ITGA11: variants seen among roughly 807,000 people sequenced by gnomAD.
ITGA11 encodes the protein integrin alpha-11.
In ITGA11, 97 loss-of-function variants were observed where a neutral mutation model predicts 141.9. The observed-to-expected ratio is 0.68, with a 90% CI of 0.58 to 0.81. ITGA11 has a LOEUF of 0.81. Ranked by LOEUF, ITGA11 falls within the 30% of genes least tolerant of loss-of-function variation. The pLI is 0.00. For synonymous variants in ITGA11, 658 were observed against 624.6 expected (o/e 1.05, Z -0.80); for missense variants, 1,387 against 1,559.2 (o/e 0.89, Z 1.86).
At chr15:68,380,113 C>T (rs565704433) in intron 2 of ITGA11, among the ~76,000 whole-genome samples, 1 of 152,282 alleles carries the variant, frequency 6.6e-6, no homozygotes, top group South Asian at 2.1e-4. Flanking sequence ...CAGAGAATGT[C>T]AGGATTGGCC....
At chr15:68,331,195 A>G (rs1894146846) in intron 14 of ITGA11, 84 bp from the exon 15 acceptor site, 4 of 1,287,992 alleles carry the variant, frequency 3.1e-6, no homozygotes, top group Non-Finnish European at 4.3e-6. Flanking sequence ...AACAATCAGG[A>G]ACAATAGGGA....
intron 7 of ITGA11, among the ~76,000 whole-genome samples, chr15:68,352,505 T>C (rs1894946628): frequency 6.6e-6 from 1 of 152,040 alleles, no homozygotes; most frequent in South Asian, 2.1e-4. Flanking sequence ...CATCAGTATT[T>C]TATAAGGTTC....
At chr15:68,408,066 A>G (rs1490902468) in intron 1 of ITGA11, among the ~76,000 whole-genome samples, 2 of 152,152 alleles carry the variant, frequency 1.3e-5, no homozygotes, top group Non-Finnish European at 2.9e-5. Flanking sequence ...ATGGCCCCTC[A>G]GCCTCTGCCT....
At chr15:68,306,250 A>G (rs1445819994) in intron 28 of ITGA11, among the ~76,000 whole-genome samples, 1 of 144,570 alleles carries the variant, frequency 6.9e-6, no homozygotes, top group East Asian at 2.1e-4. Context: ...TGGGGGGTTG[A>G]GTGGGGGTGG....
At chr15:68,345,913 G>C (rs1894730170) in intron 10 of ITGA11, among the ~76,000 whole-genome samples, 1 of 152,224 alleles carries the variant, frequency 6.6e-6, no homozygotes, top group Non-Finnish European at 1.5e-5. Context: ...CCAGTGCCCG[G>C]TCACAGAGCC....
rs1224060398 is a variant in ITGA11 at position 68,335,072 on chromosome 15, G to T, written c.1425+625C>A. 6.6e-6 allele frequency among the ~76,000 whole-genome samples: 1 copy of T among 152,184 alleles called. No individual in the cohort carries two copies. The highest frequency in any genetic ancestry group is 1.5e-5 in the Non-Finnish European group (1 of 68,032). ...TTCCCAGGCTCAGGAGAGCCGGCAG[G>T]GAGCTGGGGACAACATGGAAGGGCC... On this transcript the variant is annotated intron_variant, in intron 12 of 29. Transcript: ENST00000315757. This position sits in a 1 kb window ranked among gnomAD's most constrained non-coding sequence, Gnocchi z 4.9.
chr15:68,418,597 A>G (rs1254382335), intron 1 of ITGA11, among the ~76,000 whole-genome samples: 2 of 111,026 alleles, frequency 1.8e-5, no homozygotes, highest in East Asian at 3.1e-4. Context: ...AGGTCACTTT[A>G]CTACACAACT....
At chr15:68,323,749 C>T (rs578126153) in intron 18 of ITGA11, among the ~76,000 whole-genome samples, 1 of 152,268 alleles carries the variant, frequency 6.6e-6, no homozygotes, top group South Asian at 2.1e-4. Context: ...AAAAGCCCAT[C>T]CTCCCTGTCT....
At position 68,357,133 on chromosome 15, in the gene ITGA11, G is replaced by A; in HGVS notation, c.749+18C>T. On this transcript the variant is annotated intron_variant, in intron 7 of 29. Coordinates refer to ENST00000315757, the MANE Select transcript of ITGA11 (RefSeq NM_001004439.2). ...TCTGAGATCTAAAAAAATTTTTTTT[G>A]TTCTACTTTTTTTTTACCGTGCAAA... The A allele has an allele frequency of 6.2e-7, 1 of 1,601,542 alleles. No homozygotes were observed.
intron 12 of ITGA11, among the ~76,000 whole-genome samples, chr15:68,334,623 A>G (rs1894286044): frequency 1.3e-5 from 2 of 151,750 alleles, no homozygotes; most frequent in Admixed American, 1.3e-4. Flanking sequence ...AAAGTAACTA[A>G]GAAGCGGACA....
In ITGA11 at chr15:68,302,806, G is replaced by A; in HGVS notation, c.*253C>T. ...GAGGCCTTGGCATGGGCCTGGGTGT[G>A]TGTAGGGGTGTCCCTTTAAATCCCT... On this transcript the variant is annotated 3_prime_UTR_variant, in exon 30 of 30. Transcript: ENST00000315757. The A allele has an allele frequency of 2.0e-6, 1 of 490,792 alleles. No homozygotes were observed. Among genetic ancestry groups the A allele is most frequent in the Non-Finnish European group, 3.6e-6 (1 of 277,878 alleles). 30.4% of individuals were successfully genotyped at this position (490,792 alleles called of 1,614,324 possible).
In ITGA11 at chr15:68,335,696, C is replaced by T; in HGVS notation, c.1425+1G>A. On this transcript the variant is annotated splice_donor_variant, in intron 12 of 29. Coordinates refer to ENST00000315757, the MANE Select transcript of ITGA11 (RefSeq NM_001004439.2). LOFTEE classifies it high-confidence loss of function. The surrounding 1 kb of genome is among the most constrained non-coding windows in gnomAD (Gnocchi z 4.9). ...CCGGCCCCAGGCTCCCCCTCCATTA[C>T]CTGCTGGCCCCGCATAGCCTGGTGG... is the stretch of plus-strand genomic sequence containing the variant. The T allele has an allele frequency of 1.2e-6, 2 of 1,613,512 alleles. No individual in the cohort carries two copies. Among genetic ancestry groups the T allele is most frequent in the Non-Finnish European group, 1.7e-6 (2 of 1,179,698 alleles).
At chr15:68,364,647 A>ACCCCCCCCCCCCCCCCC in intron 4 of ITGA11, 60 bp downstream of exon 4, 4 of 904,822 alleles carry the variant, frequency 4.4e-6, no homozygotes, top group East Asian at 2.6e-5. Flanking sequence ...GAGACGCTCC[A>ACCCCCCCCCCCCCCCCC]CCCCTCCCCA....
At chr15:68,327,069 G>A (rs28517670) in intron 16 of ITGA11, among the ~76,000 whole-genome samples, 14,876 of 152,184 alleles carry the variant, frequency 0.098, 1,718 homozygotes, top group African/African-American at 0.28. Flanking sequence ...GAGGAGGGGA[G>A]ACAGGATGTG....
chr15:68,320,243 C>T lies in ITGA11; in HGVS notation c.2558G>A (p.Ser853Asn), dbSNP rs1347887715. The change falls in exon 20 of 30, where the codon AGC becomes AAC. Residue 853 changes from serine to asparagine, a missense_variant. Ser to Asn is a conservative substitution (Grantham distance 46, BLOSUM62 1). Coordinates refer to ENST00000315757, the MANE Select transcript of ITGA11 (RefSeq NM_001004439.2). Reference sequence around the variant, plus strand: ...TGACTGCGAGATATTTAGGACCGTGCTGTAGGCGTTCTCGCCCCTGTTCTC... The same window carrying T: ...TGACTGCGAGATATTTAGGACCGTGTTGTAGGCGTTCTCGCCCCTGTTCTC... ...TLENRGENAY[S>N]TVLNISQSAN... 1 of 1,614,064 alleles carries T rather than the reference C, an allele frequency of 6.2e-7. No individual in the cohort carries two copies. Among genetic ancestry groups the T allele is most frequent in the Admixed American group, 1.7e-5 (1 of 60,036 alleles).
At chr15:68,385,965 G>A (rs946019214) in intron 2 of ITGA11, among the ~76,000 whole-genome samples, 5 of 152,106 alleles carry the variant, frequency 3.3e-5, no homozygotes, top group Admixed American at 6.5e-5. Context: ...GTCCACCTGC[G>A]CCTCCTGGGC....
chr15:68,314,360 CAAG>C (rs1168561896), intron 22 of ITGA11, among the ~76,000 whole-genome samples: 24 of 152,304 alleles, frequency 1.6e-4, no homozygotes, highest in Non-Finnish European at 1.6e-4. Context: ...TCTGCTGCCA[CAAG>C]AAGGCTGGGA....
intron 2 of ITGA11, among the ~76,000 whole-genome samples, chr15:68,385,329 G>A (rs1279025584): frequency 6.6e-6 from 1 of 152,238 alleles, no homozygotes; most frequent in Non-Finnish European, 1.5e-5. Flanking sequence ...AGCACTCTAT[G>A]CCTGTGGGAA....
At chr15:68,327,607 TG>T (rs1418581612) in intron 16 of ITGA11, among the ~76,000 whole-genome samples, 1 of 152,232 alleles carries the variant, frequency 6.6e-6, no homozygotes. Context: ...AGTAGGTGTC[TG>T]ACTCCAGACT....
Sources: gnomAD v4.1 joint callset for allele counts (sites outside exome capture counted in the v4.1 genomes callset) on GRCh38, gnomAD v4.1.1 for gene constraint, Gnocchi (gnomAD v3.1) non-coding constraint, MANE v1.5 for transcripts, NCBI Gene and HGNC (gene_info 2026-07-23, HGNC 2026-07-21) for gene names.